The following MAML3 variants were observed in gnomAD, a reference collection of about 807,000 sequenced individuals.
The protein encoded by MAML3 is mastermind like transcriptional coactivator 3.
In MAML3, 27 loss-of-function variants were observed where a neutral mutation model predicts 101.9. That is an observed-to-expected ratio of 0.27 (90% CI 0.20 to 0.37). The LOEUF is 0.37. MAML3 is among the 10% of genes least tolerant of loss of function. The pLI is 1.00. For synonymous variants in MAML3, 501 were observed against 555.9 expected, an observed-to-expected ratio of 0.90 and a Z score of 1.39; for missense variants, 1,316 against 1,444.9, an observed-to-expected ratio of 0.91 and a Z score of 1.45.
At chr4:140,128,528 T>C (rs1728722527) in intron 1 of MAML3, among the ~76,000 whole-genome samples, 1 of 152,142 alleles carries the variant, frequency 6.6e-6, no homozygotes, top group African/African-American at 2.4e-5. Flanking sequence ...GAGCTCCCCA[T>C]GGGCAATGGG....
intron 2 of MAML3, among the ~76,000 whole-genome samples, chr4:139,820,471 A>G (rs2111121794): frequency 6.6e-6 from 1 of 152,350 alleles, no homozygotes; most frequent in Middle Eastern, 3.4e-3. Flanking sequence ...AATCTTTAAG[A>G]AAGATTAGTT....
intron 1 of MAML3, among the ~76,000 whole-genome samples, chr4:140,083,091 G>A (rs1280069192): frequency 6.6e-6 from 1 of 152,188 alleles, no homozygotes; most frequent in East Asian, 1.9e-4. Flanking sequence ...AAATCTAGGA[G>A]GGAAAAGGAT....
intron 2 of MAML3, among the ~76,000 whole-genome samples, chr4:139,837,944 TAC>T (rs199760476): frequency 0.019 from 2,845 of 151,530 alleles, 34 homozygotes; most frequent in Middle Eastern, 0.065. Flanking sequence ...AAAAAATATA[TAC>T]ATATATATTT....
At chr4:140,080,605 C>A (rs2110967539) in intron 1 of MAML3, among the ~76,000 whole-genome samples, 1 of 152,172 alleles carries the variant, frequency 6.6e-6, no homozygotes, top group Non-Finnish European at 1.5e-5. Context: ...TTGCAGAGCA[C>A]CTCTAAAAAA....
chr4:139,759,364 G>A (rs942929853), intron 2 of MAML3, among the ~76,000 whole-genome samples: 5 of 152,224 alleles, frequency 3.3e-5, no homozygotes, highest in African/African-American at 1.2e-4. Flanking sequence ...GGAACAGGCT[G>A]GTGTCTGTGG....
At position 140,107,747 on chromosome 4, in the gene MAML3, C is replaced by T. The variant is rs111878918; in HGVS notation, c.468+45113G>A. 6.5e-3 allele frequency among the ~76,000 whole-genome samples: 989 copies of T among 151,420 alleles called. 9 individuals carry two copies. Among genetic ancestry groups the T allele is most frequent in the African/African-American group, 0.023 (952 of 41,262 alleles). On this transcript the variant is annotated intron_variant, in intron 1 of 4. Transcript: ENST00000509479. ...CTTGAACTCCTGACCTCAGATGACC[C>T]ACCAGTCTCACCCTCCCAAAGTGCT...
chr4:139,909,846 A>AAAG, intron 1 of MAML3, among the ~76,000 whole-genome samples: 1 of 151,022 alleles, frequency 6.6e-6, no homozygotes, highest in Admixed American at 6.6e-5. Context: ...CAAAAAAAAA[A>AAAG]AAAAAAAAAA....
intron 2 of MAML3, among the ~76,000 whole-genome samples, chr4:139,761,701 A>T (rs1729763803): frequency 6.6e-6 from 1 of 152,038 alleles, no homozygotes; most frequent in African/African-American, 2.4e-5. Context: ...TAGGCTAGTG[A>T]GAAACAGGCC....
At chr4:140,102,060 T>C (rs960082351) in intron 1 of MAML3, among the ~76,000 whole-genome samples, 1 of 152,188 alleles carries the variant, frequency 6.6e-6, no homozygotes, top group Non-Finnish European at 1.5e-5. Context: ...ACTTAACATG[T>C]ATAAATGATT....
rs1239697353 is a variant in MAML3, at chr4:139,716,995, G to GAGTT, written c.*2324_*2327dup. 6.6e-6 allele frequency: 1 copy of GAGTT among 152,542 alleles called. No homozygotes were observed. Among genetic ancestry groups the GAGTT allele is most frequent in the Non-Finnish European group, 1.5e-5 (1 of 68,026 alleles). 9.4% of individuals were successfully genotyped at this position (152,542 alleles called of 1,614,324 possible). A position where few individuals can be genotyped will look rare whatever the true frequency, so the allele number is the denominator to read the frequency against. On this transcript the variant is annotated 3_prime_UTR_variant, in exon 5 of 5. Coordinates refer to ENST00000509479, the MANE Select transcript of MAML3 (RefSeq NM_018717.5). ...AGTGCAATACCACTGCTGTGATGAT[G>GAGTT]AGTTAAGGAATGAAATAAAAATACT... is the stretch of plus-strand genomic sequence containing the variant.
rs4057112 is a variant in MAML3 at position 139,967,469 on chromosome 4, GACACACACACACAC to G, written c.469-76516_469-76503del. On this transcript the variant is annotated intron_variant, in intron 1 of 4. Coordinates refer to ENST00000509479, the MANE Select transcript of MAML3 (RefSeq NM_018717.5). ...AATGTTGTTAGTTTTCTTTTTAAGGGACACACACACACACACACACACACACACACACACACACA... is the reference window on the plus strand; with the variant it reads ...AATGTTGTTAGTTTTCTTTTTAAGGGACACACACACACACACACACACACA... Among the ~76,000 whole-genome samples the G allele has an allele frequency of 2.0e-3, 282 of 141,560 alleles. 1 individual carries two copies. The highest frequency in any genetic ancestry group is 5.7e-3 in the African/African-American group (218 of 38,208). 92.9% of individuals were successfully genotyped at this position (141,560 alleles called of 152,430 possible). A position where few individuals can be genotyped will look rare whatever the true frequency, so the allele number is the denominator to read the frequency against.
chr4:139,722,678 C>A (rs929032495), intron 4 of MAML3, among the ~76,000 whole-genome samples: 1 of 152,208 alleles, frequency 6.6e-6, no homozygotes, highest in Non-Finnish European at 1.5e-5. Context: ...AGTCATGTAA[C>A]ATTGCCCAGA....
chr4:139,983,754 T>A (rs1355311595), intron 1 of MAML3, among the ~76,000 whole-genome samples: 1 of 152,126 alleles, frequency 6.6e-6, no homozygotes, highest in East Asian at 1.9e-4. Context: ...ATGTAAAATA[T>A]CATTTGGAAA....
intron 1 of MAML3, among the ~76,000 whole-genome samples, chr4:139,957,258 G>A (rs1733931702): frequency 6.6e-6 from 1 of 152,152 alleles, no homozygotes. Flanking sequence ...TAACATGATT[G>A]GCATTCTTAC....
chr4:140,011,989 A>G (rs1418678154), intron 1 of MAML3, among the ~76,000 whole-genome samples: 1 of 151,926 alleles, frequency 6.6e-6, no homozygotes, highest in Non-Finnish European at 1.5e-5. Context: ...TTTATCATAC[A>G]TTACAGAAGT....
At chr4:139,980,283 A>G (rs1578627042) in intron 1 of MAML3, among the ~76,000 whole-genome samples, 1 of 152,292 alleles carries the variant, frequency 6.6e-6, no homozygotes, top group Middle Eastern at 3.4e-3. Flanking sequence ...TCTAAGAATC[A>G]GTTGTCACCC....
intron 2 of MAML3, among the ~76,000 whole-genome samples, chr4:139,884,790 TG>T (rs1732293671): frequency 6.6e-6 from 1 of 152,254 alleles, no homozygotes; most frequent in South Asian, 2.1e-4. Context: ...CTTTCTCCAT[TG>T]GAGCTGATAA....
chr4:139,991,829 G>A (rs1734678024), intron 1 of MAML3, among the ~76,000 whole-genome samples: 1 of 151,962 alleles, frequency 6.6e-6, no homozygotes, highest in African/African-American at 2.4e-5. Flanking sequence ...CTGGGTGACA[G>A]AGCAAGATCC....
intron 1 of MAML3, among the ~76,000 whole-genome samples, chr4:140,025,193 A>C (rs563799210): frequency 1.3e-5 from 2 of 152,202 alleles, no homozygotes. Flanking sequence ...TAATTTGATT[A>C]TGGGTTAGGT....
Sources: gnomAD v4.1 joint callset for allele counts (sites outside exome capture counted in the v4.1 genomes callset) on GRCh38, gnomAD v4.1.1 for gene constraint, MANE v1.5 for transcripts, NCBI Gene and HGNC (gene_info 2026-07-23, HGNC 2026-07-21) for gene names.